CYREN: variants seen among roughly 807,000 people sequenced by gnomAD.
The protein encoded by CYREN is cell cycle regulator of non-homologous end joining.
CYREN carries 7 observed loss-of-function variants against 9.7 expected under a neutral mutation model. The observed-to-expected ratio is 0.72, with a 90% CI of 0.41 to 1.36. CYREN has a LOEUF of 1.36. CYREN is among the 40% of genes most tolerant of loss of function. The pLI is 0.01. For synonymous variants in CYREN, 76 were observed against 77.9 expected, an observed-to-expected ratio of 0.98 and a Z score of 0.13; for missense variants, 215 against 198.1, an observed-to-expected ratio of 1.09 and a Z score of -0.51.
intron 2 of CYREN, among the ~76,000 whole-genome samples, chr7:135,128,291 C>CAAAAAAAAA (rs61217008): frequency 1.7e-5 from 1 of 58,074 alleles, no homozygotes; most frequent in African/African-American, 8.1e-5. Flanking sequence ...GACTCCATCT[C>CAAAAAAAAA]AAAAAAAAAA....
chr7:135,098,510 G>A, intron 2 of CYREN, among the ~76,000 whole-genome samples: 1 of 152,174 alleles, frequency 6.6e-6, no homozygotes, highest in Middle Eastern at 3.2e-3. Context: ...TAAATCCACG[G>A]ATGTGGAGCC....
At chr7:135,119,616 G>A (rs1338466154) in intron 2 of CYREN, among the ~76,000 whole-genome samples, 2 of 150,922 alleles carry the variant, frequency 1.3e-5, no homozygotes, top group African/African-American at 4.9e-5. Flanking sequence ...AGTGGCTCAT[G>A]CCTGTAATCC....
chr7:135,154,869 C>T (rs112535206), intron 2 of CYREN, among the ~76,000 whole-genome samples: 1,816 of 152,178 alleles, frequency 0.012, 38 homozygotes, highest in African/African-American at 0.042. Flanking sequence ...GTCTAAAGTT[C>T]AATTTAAGTA....
chr7:135,167,846 CT>C, intron 2 of CYREN, 39 bp from the exon 3 acceptor site: 1 of 1,613,724 alleles, frequency 6.2e-7, no homozygotes, highest in East Asian at 2.2e-5. Context: ...GACACAGACT[CT>C]CAAGTCTCAT....
Position 135,103,911 on chromosome 7 carries a change from G to T in CYREN, n.357-9329C>A, listed in dbSNP as rs544936209. 9.2e-5 allele frequency among the ~76,000 whole-genome samples: 14 copies of T among 151,726 alleles called. No homozygotes were observed. In the South Asian group the frequency reaches 2.3e-3, roughly 25 times the overall value. Reference sequence around the variant, plus strand: ...TTTTAATGTAAGGATGTTCATCATGGTATTATTTTATTTTTAAACTTTGAA... The same window carrying T: ...TTTTAATGTAAGGATGTTCATCATGTTATTATTTTATTTTTAAACTTTGAA... On this transcript the variant is annotated intron_variant and non_coding_transcript_variant, in intron 2 of 2. Coordinates refer to the CYREN transcript ENST00000459937.
At chr7:135,138,006 T>TA (rs1247261453) in intron 2 of CYREN, among the ~76,000 whole-genome samples, 1 of 143,268 alleles carries the variant, frequency 7.0e-6, no homozygotes, top group African/African-American at 2.5e-5. Flanking sequence ...CACTAGGGGT[T>TA]AGGATTGCAA....
intron 2 of CYREN, among the ~76,000 whole-genome samples, chr7:135,113,819 C>T (rs1423996354): frequency 6.6e-6 from 1 of 152,194 alleles, no homozygotes; most frequent in East Asian, 1.9e-4. Context: ...TTCTCCCTCC[C>T]CCCAGCACCT....
At chr7:135,156,720 TTTGA>T (rs1487694033) in intron 2 of CYREN, among the ~76,000 whole-genome samples, 1 of 152,248 alleles carries the variant, frequency 6.6e-6, no homozygotes, top group Non-Finnish European at 1.5e-5. Flanking sequence ...AAGAATTCTC[TTTGA>T]TTGGGATCTG....
chr7:135,092,647 C>T (rs766545319), exon 3 of CYREN: 4 of 152,120 alleles, frequency 2.6e-5, no homozygotes, highest in Non-Finnish European at 4.4e-5. Flanking sequence ...GGGGTTACAT[C>T]GGAGTTGTTT....
chr7:135,161,144 A>T (rs1487784590), downstream of CYREN, among the ~76,000 whole-genome samples: 1 of 152,234 alleles, frequency 6.6e-6, no homozygotes, highest in East Asian at 1.9e-4. This position sits in a 1 kb window ranked among gnomAD's most constrained non-coding sequence, Gnocchi z 4.1. Context: ...CCTTCTCCAC[A>T]TGCCTGGTCC....
intron 2 of CYREN, among the ~76,000 whole-genome samples, chr7:135,149,285 A>G (rs1474077502): frequency 6.6e-6 from 1 of 152,198 alleles, no homozygotes; most frequent in Non-Finnish European, 1.5e-5. Flanking sequence ...TACCACAGCT[A>G]ACATTAACAT....
At chr7:135,156,686 T>C (rs1046596646) in intron 2 of CYREN, among the ~76,000 whole-genome samples, 1 of 152,220 alleles carries the variant, frequency 6.6e-6, no homozygotes, top group Non-Finnish European at 1.5e-5. Context: ...AATCAATATT[T>C]TGAATTCTTT....
intron 2 of CYREN, among the ~76,000 whole-genome samples, chr7:135,125,893 C>A (rs1827804182): frequency 6.6e-6 from 1 of 152,136 alleles, no homozygotes; most frequent in Non-Finnish European, 1.5e-5. Flanking sequence ...TGGAACATAT[C>A]TCAAAATAAT....
chr7:135,135,021 T>C (rs1194808852), intron 2 of CYREN: 2 of 1,551,064 alleles, frequency 1.3e-6, no homozygotes, highest in Admixed American at 2.0e-5. Flanking sequence ...AGAATAAACA[T>C]TCTCAAATCT....
chr7:135,148,788 A>T (rs180884636), intron 2 of CYREN, among the ~76,000 whole-genome samples: 4 of 152,316 alleles, frequency 2.6e-5, no homozygotes, highest in Admixed American at 2.6e-4. Context: ...GACCTAAGAG[A>T]TGTTTAGATC....
At chr7:135,152,700 T>C (rs1829694169) in intron 2 of CYREN, 1 of 152,224 alleles carries the variant, frequency 6.6e-6, no homozygotes, top group African/African-American at 2.4e-5. Context: ...TCAAAGCAAG[T>C]TCTTCCCTCC....
At chr7:135,135,804 A>G (rs1829323386) in intron 2 of CYREN, 1 of 152,162 alleles carries the variant, frequency 6.6e-6, no homozygotes, top group South Asian at 2.1e-4. Flanking sequence ...TGCACTTCCA[A>G]TGATTAGAAA....
downstream of CYREN, among the ~76,000 whole-genome samples, chr7:135,163,669 G>A (rs139863713): frequency 3.9e-5 from 6 of 152,210 alleles, no homozygotes; most frequent in African/African-American, 1.4e-4. Context: ...AAACAAAAAC[G>A]TCTAAGTTTT....
At chr7:135,097,078 A>G (rs11761348) in intron 2 of CYREN, among the ~76,000 whole-genome samples, 8,259 of 152,286 alleles carry the variant, frequency 0.054, 297 homozygotes, top group Middle Eastern at 0.18. Context: ...GCTTGGGCAT[A>G]CCACCCAAAT....
Sources: allele counts gnomAD v4.1 joint callset (sites outside exome capture counted in the v4.1 genomes callset), GRCh38; gene constraint gnomAD v4.1.1; non-coding constraint Gnocchi (gnomAD v3.1); transcripts MANE v1.5; gene names NCBI Gene and HGNC (gene_info 2026-07-23, HGNC 2026-07-21).